AGBL1: variants seen among roughly 807,000 people sequenced by gnomAD.
The protein encoded by AGBL1 is AGBL carboxypeptidase 1.
AGBL1 carries 130 observed loss-of-function variants against 118.9 expected under a neutral mutation model. That is an observed-to-expected ratio of 1.09 (90% CI 0.95 to 1.26). AGBL1 has a LOEUF of 1.26. AGBL1 is among the 50% of genes most tolerant of loss of function. The pLI is 0.00. For missense variants in AGBL1, 1,584 were observed against 1,298.1 expected (o/e 1.22, Z -3.38); for synonymous variants, 555 against 478.9 (o/e 1.16, Z -2.08).
intron 23 of AGBL1, among the ~76,000 whole-genome samples, chr15:86,925,818 C>T (rs1331144160): frequency 2.6e-5 from 4 of 151,516 alleles, no homozygotes; most frequent in African/African-American, 7.3e-5. Context: ...GCAACCTCCA[C>T]CTCCCAGGTT....
chr15:86,637,935 C>T (rs994358073), intron 21 of AGBL1, among the ~76,000 whole-genome samples: 3 of 152,152 alleles, frequency 2.0e-5, no homozygotes, highest in Non-Finnish European at 4.4e-5. Flanking sequence ...AATTTGTTTT[C>T]CCAGGTAGAA....
rs1431506713 is a variant in AGBL1 at position 86,546,019 on chromosome 15, T to C, written c.2703T>C (p.His901=). 6.2e-7 allele frequency: 1 copy of C among 1,613,098 alleles called. No individual in the cohort carries two copies. The highest frequency in any genetic ancestry group is 1.3e-5 in the African/African-American group (1 of 74,894). Residue 901 remains histidine, a synonymous_variant, in exon 20 of 23, where the codon CAT becomes CAC. Transcript: ENST00000614907. ...GRSPVVFCDF[H]GHSQKKNVFL... is the part of the protein sequence containing the mutation. The stretch of plus-strand genomic sequence containing the variant: ...TATTGTAGGTTTTCTGTGACTTCCA[T>C]GGCCACTCCCAAAAGAAGAATGTGT...
chr15:86,796,704 A>G (rs1189292203), intron 22 of AGBL1, among the ~76,000 whole-genome samples: 4 of 152,354 alleles, frequency 2.6e-5, no homozygotes, highest in Non-Finnish European at 5.9e-5. Flanking sequence ...AAACATTATT[A>G]GAACATAGCT....
intron 17 of AGBL1, among the ~76,000 whole-genome samples, chr15:86,390,278 A>G (rs56337546): frequency 0.025 from 3,854 of 152,320 alleles, 168 homozygotes; most frequent in African/African-American, 0.089. Context: ...TGGAATAGAC[A>G]AATTCACAAT....
chr15:86,796,588 A>G (rs2078575790), intron 22 of AGBL1, among the ~76,000 whole-genome samples: 1 of 152,228 alleles, frequency 6.6e-6, no homozygotes, highest in South Asian at 2.1e-4. Context: ...TGCTCATACC[A>G]GTTAGAAGCT....
chr15:86,893,770 T>C (rs1291942537), intron 22 of AGBL1, among the ~76,000 whole-genome samples: 1 of 152,190 alleles, frequency 6.6e-6, no homozygotes, highest in African/African-American at 2.4e-5. Flanking sequence ...GGAATAAAAA[T>C]TCAGTCGAGT....
At chr15:87,002,075 T>A (rs1028346944) in intron 24 of AGBL1, among the ~76,000 whole-genome samples, 2 of 152,080 alleles carry the variant, frequency 1.3e-5, no homozygotes, top group African/African-American at 2.4e-5. Flanking sequence ...CTCAATGGTA[T>A]TGCCTAGGTT....
At chr15:86,397,035 A>G (rs2081375537) in intron 17 of AGBL1, among the ~76,000 whole-genome samples, 1 of 152,192 alleles carries the variant, frequency 6.6e-6, no homozygotes, top group South Asian at 2.1e-4. Flanking sequence ...CAGACCACAG[A>G]GGAAGATAGA....
In AGBL1 at chr15:86,838,727, C is replaced by A. The variant is rs925741609; in HGVS notation, c.3159-68360C>A. Among the ~76,000 whole-genome samples the A allele has an allele frequency of 3.3e-5, 5 of 151,634 alleles. No individual in the cohort carries two copies. In the East Asian group the frequency reaches 9.7e-4, roughly 30 times the overall value. On this transcript the variant is annotated intron_variant, in intron 22 of 22. Transcript: ENST00000614907. Reference sequence around the variant, plus strand: ...GGCCGAGGCAGAAAGACTGCTTGAGCCCGGGAGTTTGAGACCAGCCAGGGC... The same window carrying A: ...GGCCGAGGCAGAAAGACTGCTTGAGACCGGGAGTTTGAGACCAGCCAGGGC...
intron 23 of AGBL1, among the ~76,000 whole-genome samples, chr15:86,921,532 C>A (rs754353211): frequency 7.9e-5 from 12 of 152,208 alleles, no homozygotes; most frequent in Admixed American, 5.2e-4. Context: ...TGCTCACTTA[C>A]TTCTCAAGGC....
intron 23 of AGBL1, among the ~76,000 whole-genome samples, chr15:86,945,086 A>G (rs2080801976): frequency 6.6e-6 from 1 of 152,016 alleles, no homozygotes; most frequent in East Asian, 1.9e-4. Flanking sequence ...AGCAGCTGAT[A>G]AAACAATGTT....
chr15:86,470,978 A>T (rs1001680886), intron 18 of AGBL1, among the ~76,000 whole-genome samples: 23 of 152,022 alleles, frequency 1.5e-4, no homozygotes, highest in African/African-American at 5.3e-4. Context: ...AGCAGAGATA[A>T]TTTTACTTAT....
At chr15:86,757,949 C>T (rs1003510696) in intron 22 of AGBL1, among the ~76,000 whole-genome samples, 1 of 152,132 alleles carries the variant, frequency 6.6e-6, no homozygotes, top group South Asian at 2.1e-4. Context: ...TTTGTTGTGG[C>T]TCCATCTCTA....
At chr15:86,818,937 T>C (rs1219749636) in intron 22 of AGBL1, among the ~76,000 whole-genome samples, 1 of 152,156 alleles carries the variant, frequency 6.6e-6, no homozygotes, top group Non-Finnish European at 1.5e-5. Flanking sequence ...GCATGAAACA[T>C]GTAAAGTGCT....
At chr15:86,750,313 G>T (rs1023614058) in intron 22 of AGBL1, among the ~76,000 whole-genome samples, 2 of 151,776 alleles carry the variant, frequency 1.3e-5, no homozygotes, top group African/African-American at 2.4e-5. Context: ...TATTTATGGG[G>T]TACAGATTGG....
intron 23 of AGBL1, among the ~76,000 whole-genome samples, chr15:86,986,888 C>A (rs1303501755): frequency 6.6e-6 from 1 of 151,954 alleles, no homozygotes; most frequent in African/African-American, 2.4e-5. Context: ...CGGGCTGAGT[C>A]TGAAAAGAGA....
chr15:86,462,554 T>G (rs529538904), intron 18 of AGBL1, among the ~76,000 whole-genome samples: 8 of 152,128 alleles, frequency 5.3e-5, no homozygotes, highest in Admixed American at 1.3e-4. Flanking sequence ...TCATCTACAT[T>G]AGGTATTTCT....
At chr15:86,494,584 C>T (rs2082823928) in intron 18 of AGBL1, among the ~76,000 whole-genome samples, 1 of 152,108 alleles carries the variant, frequency 6.6e-6, no homozygotes, top group Non-Finnish European at 1.5e-5. Flanking sequence ...ACAGTCTCTT[C>T]AGACCTAACT....
At chr15:86,962,756 G>A (rs139345698) in intron 23 of AGBL1, among the ~76,000 whole-genome samples, 3 of 152,168 alleles carry the variant, frequency 2.0e-5, no homozygotes, top group Non-Finnish European at 4.4e-5. Flanking sequence ...GGAAAAGGAA[G>A]GTTAGCATCA....
Sources: allele counts gnomAD v4.1 joint callset (sites outside exome capture counted in the v4.1 genomes callset), GRCh38; gene constraint gnomAD v4.1.1; transcripts MANE v1.5; gene names NCBI Gene and HGNC (gene_info 2026-07-23, HGNC 2026-07-21).